KIAA0513: variants seen among roughly 807,000 people sequenced by gnomAD.
KIAA0513 encodes the protein uncharacterized protein KIAA0513.
Under a neutral mutation model 56.5 loss-of-function variants are expected in KIAA0513, and 39 were observed. The observed-to-expected ratio is 0.69, with a 90% CI of 0.53 to 0.90. The LOEUF is 0.90. KIAA0513 is among the 40% of genes least tolerant of loss of function. The pLI is 0.00. For synonymous variants in KIAA0513, 268 were observed against 215.6 expected (o/e 1.24, Z -2.13); for missense variants, 591 against 535.2 (o/e 1.10, Z -1.03).
At chr16:85,072,273 C>G in intron 3 of KIAA0513, among the ~76,000 whole-genome samples, 1 of 152,100 alleles carries the variant, frequency 6.6e-6, no homozygotes, top group East Asian at 1.9e-4. Context: ...GAGTAAGAAA[C>G]TGGGCTTTCA....
In KIAA0513 at chr16:85,072,940, T is replaced by G; in HGVS notation, c.445T>G (p.Cys149Gly). 6.2e-7 allele frequency: 1 copy of G among 1,614,194 alleles called. No homozygotes were observed. Among genetic ancestry groups the G allele is most frequent in the Non-Finnish European group, 8.5e-7 (1 of 1,180,012 alleles). Residue 149 changes from cysteine (C) to glycine (G), a missense_variant, in exon 4 of 13, where the codon TGT becomes GGT. By Grantham distance (159) the Cys-to-Gly change is radical. Coordinates refer to ENST00000683363, the MANE Select transcript of KIAA0513 (RefSeq NM_001388359.1). ...TTCTGGACAGCGCTGCAACTCCAAG[T>G]GTGTCTCAGAGGCAACCTTCTACCG... is the stretch of plus-strand genomic sequence containing the variant. ...YVSAQRCNSK[C>G]VSEATFYRLV...
At chr16:85,069,596 G>T (rs997476795) in intron 2 of KIAA0513, among the ~76,000 whole-genome samples, 1 of 151,902 alleles carries the variant, frequency 6.6e-6, no homozygotes, top group South Asian at 2.1e-4. Context: ...GAAGGAGGAC[G>T]CACACACACC....
At chr16:85,052,887 T>C (rs1002589956) in intron 1 of KIAA0513, among the ~76,000 whole-genome samples, 2 of 152,052 alleles carry the variant, frequency 1.3e-5, no homozygotes, top group South Asian at 2.1e-4. Context: ...AAATTTTTAT[T>C]TTTATTTTTA....
At chr16:85,086,154 C>T (rs1208597158) in intron 10 of KIAA0513, among the ~76,000 whole-genome samples, 4 of 152,260 alleles carry the variant, frequency 2.6e-5, no homozygotes, top group Admixed American at 1.3e-4. Flanking sequence ...CGACGCACCT[C>T]GCTTGGCCCA....
intron 1 of KIAA0513, among the ~76,000 whole-genome samples, chr16:85,062,850 C>T (rs1567533830): frequency 6.6e-6 from 1 of 152,162 alleles, no homozygotes; most frequent in East Asian, 1.9e-4. Flanking sequence ...AGACTGTGAC[C>T]CTGCAATGTG....
intron 1 of KIAA0513, among the ~76,000 whole-genome samples, chr16:85,040,439 A>G (rs1257249785): frequency 1.3e-5 from 2 of 152,062 alleles, no homozygotes; most frequent in Non-Finnish European, 2.9e-5. Context: ...CTGAGGTAGG[A>G]GGATCGCTTG....
chr16:85,057,738 A>C (rs1597613447), intron 1 of KIAA0513, among the ~76,000 whole-genome samples: 1 of 150,244 alleles, frequency 6.7e-6, no homozygotes, highest in Non-Finnish European at 1.5e-5. Flanking sequence ...GAGGATCTCC[A>C]CTGGAGAGGC....
In KIAA0513 at chr16:85,076,996, T is replaced by C. The variant is rs1216163224; in HGVS notation, c.575-429T>C. 6.6e-6 allele frequency among the ~76,000 whole-genome samples: 1 copy of C among 152,044 alleles called. No homozygotes were observed. Among genetic ancestry groups the C allele is most frequent in the Non-Finnish European group, 1.5e-5 (1 of 67,990 alleles). Reference sequence around the variant, plus strand: ...ATGTCCATCCACTGGCTAAGGGAGTTTGGGTGCTGCCCAGACTCCTCCTCC... The same window carrying C: ...ATGTCCATCCACTGGCTAAGGGAGTCTGGGTGCTGCCCAGACTCCTCCTCC... On this transcript the variant is annotated intron_variant, in intron 5 of 12. Coordinates refer to ENST00000683363, the MANE Select transcript of KIAA0513 (RefSeq NM_001388359.1). This position sits in a 1 kb window ranked among gnomAD's most constrained non-coding sequence, Gnocchi z 4.7.
chr16:85,074,727 G>A (rs558567416), intron 4 of KIAA0513, among the ~76,000 whole-genome samples: 32 of 152,276 alleles, frequency 2.1e-4, no homozygotes, highest in South Asian at 1.0e-3. Context: ...CCAAGAGGGC[G>A]GTGGTTTAAA....
chr16:85,073,639 G>A (rs2073612063), intron 4 of KIAA0513, among the ~76,000 whole-genome samples: 2 of 152,244 alleles, frequency 1.3e-5, no homozygotes, highest in Non-Finnish European at 2.9e-5. Flanking sequence ...TGCCTCCAAG[G>A]TGTGAAATGG....
At chr16:85,033,413 A>T (rs1313911246) in intron 1 of KIAA0513, among the ~76,000 whole-genome samples, 1 of 152,218 alleles carries the variant, frequency 6.6e-6, no homozygotes, top group African/African-American at 2.4e-5. Flanking sequence ...GTTTTGCTGC[A>T]CTGGTCCTTG....
chr16:85,073,017 C>T lies in KIAA0513; in HGVS notation c.503+19C>T. 6.2e-7 allele frequency: 1 copy of T among 1,606,148 alleles called. No individual in the cohort carries two copies. The highest frequency in any genetic ancestry group is 8.5e-7 in the Non-Finnish European group (1 of 1,173,136). On this transcript the variant is annotated intron_variant, in intron 4 of 12. Coordinates refer to ENST00000683363, the MANE Select transcript of KIAA0513 (RefSeq NM_001388359.1). ...TGTTCGAGTAAGTAATGCCGTGGCA[C>T]AAAGCCTTTGTCCTGGCAAGCTCCT...
At chr16:85,035,378 C>A (rs1281899267) in intron 1 of KIAA0513, among the ~76,000 whole-genome samples, 3 of 152,240 alleles carry the variant, frequency 2.0e-5, no homozygotes, top group Non-Finnish European at 2.9e-5. Flanking sequence ...CTGGTCTCCA[C>A]CTGGCTCTGT....
At chr16:85,038,574 G>C (rs772085212) in intron 1 of KIAA0513, among the ~76,000 whole-genome samples, 4 of 151,888 alleles carry the variant, frequency 2.6e-5, no homozygotes, top group Non-Finnish European at 5.9e-5. Flanking sequence ...TGGGCGTGGT[G>C]GTGGGCACCT....
chr16:85,032,877 A>G (rs1162699604), intron 1 of KIAA0513, among the ~76,000 whole-genome samples: 1 of 151,978 alleles, frequency 6.6e-6, no homozygotes, highest in Non-Finnish European at 1.5e-5. Flanking sequence ...TGATCCGCCT[A>G]CCTGGGCCTC....
At chr16:85,050,490 A>T (rs1028167267) in intron 1 of KIAA0513, among the ~76,000 whole-genome samples, 2 of 151,388 alleles carry the variant, frequency 1.3e-5, no homozygotes, top group African/African-American at 4.9e-5. Context: ...TAATTTTTGT[A>T]TTTTTAGTAG....
chr16:85,036,770 C>G (rs977967274), intron 1 of KIAA0513, among the ~76,000 whole-genome samples: 1 of 152,212 alleles, frequency 6.6e-6, no homozygotes, highest in African/African-American at 2.4e-5. Flanking sequence ...CACCCCCTGC[C>G]CGGGGACAGC....
At chr16:85,035,088 C>G (rs923387539) in intron 1 of KIAA0513, among the ~76,000 whole-genome samples, 1 of 152,140 alleles carries the variant, frequency 6.6e-6, no homozygotes, top group African/African-American at 2.4e-5. Context: ...CCTCTGATTT[C>G]CACCTGGCTG....
At chr16:85,082,452 G>C in intron 9 of KIAA0513, 112 bp from the exon 10 acceptor site, 1 of 997,916 alleles carries the variant, frequency 1.0e-6, no homozygotes, top group Non-Finnish European at 1.6e-6. Context: ...TCTCTGTCCC[G>C]CTCCGTTTCT....
Sources: allele counts gnomAD v4.1 joint callset (sites outside exome capture counted in the v4.1 genomes callset), GRCh38; gene constraint gnomAD v4.1.1; non-coding constraint Gnocchi (gnomAD v3.1); transcripts MANE v1.5; gene names NCBI Gene and HGNC (gene_info 2026-07-23, HGNC 2026-07-21).